The following ATF7IP2 variants were observed in gnomAD, a reference collection of about 807,000 sequenced individuals.
ATF7IP2 encodes activating transcription factor 7-interacting protein 2.
In ATF7IP2, 42 loss-of-function variants were observed where a neutral mutation model predicts 64.2. The ratio of observed to expected loss-of-function variants is 0.65; its 90% CI spans 0.51 to 0.85. ATF7IP2 has a LOEUF of 0.85. Ranked by LOEUF, ATF7IP2 falls within the 40% of genes least tolerant of loss-of-function variation. The probability of loss-of-function intolerance (pLI) is 0.00; values close to 1 mark genes in which losing one functional copy is unlikely to be tolerated. For missense variants in ATF7IP2, 933 were observed against 784.2 expected, an observed-to-expected ratio of 1.19 and a Z score of -2.27; for synonymous variants, 308 against 272.8, an observed-to-expected ratio of 1.13 and a Z score of -1.27.
Position 10,430,315 on chromosome 16 carries a change from A to C in ATF7IP2, c.-10-296A>C, listed in dbSNP as rs780921832. ...ACTTACCTGGATAAAAAAATAGTGA[A>C]TGGTTATAGCACTGAGGTGATATAA... On this transcript the variant is annotated intron_variant, in intron 4 of 13. Transcript: ENST00000562102. Among the ~76,000 whole-genome samples, 52 of 152,330 alleles carry C rather than the reference A, an allele frequency of 3.4e-4. 1 individual carries two copies. The highest frequency in any genetic ancestry group is 1.4e-3 in the Admixed American group (21 of 15,296).
intron 2 of ATF7IP2, among the ~76,000 whole-genome samples, chr16:10,415,013 G>A (rs1388232389): frequency 2.0e-5 from 3 of 152,224 alleles, no homozygotes; most frequent in South Asian, 4.1e-4. Flanking sequence ...TCATGTTTGT[G>A]GATTAGAAAA....
At position 10,480,944 on chromosome 16, in the gene ATF7IP2, T is replaced by C. The variant is rs1214167227; in HGVS notation, c.1615T>C (p.Leu539=). The C allele has an allele frequency of 3.7e-6, 6 of 1,610,590 alleles. No homozygotes were observed. Among genetic ancestry groups the C allele is most frequent in the East Asian group, 4.5e-5 (2 of 44,864 alleles). ...TTCAAACTCAAAGGAAACAACCCCA[T>C]TGGCACAAAATGCAGTCCAGGTACT... The part of the protein sequence containing the change: ...AASNSKETTP[L]AQNAVQVPES... The change falls in exon 13 of 14, where the codon TTG becomes CTG. Residue 539 remains leucine, a synonymous_variant. Coordinates refer to ENST00000562102, the MANE Select transcript of ATF7IP2 (RefSeq NM_001393719.1).
intron 8 of ATF7IP2, among the ~76,000 whole-genome samples, chr16:10,452,822 C>A (rs2141991169): frequency 6.6e-6 from 1 of 152,270 alleles, no homozygotes; most frequent in South Asian, 2.1e-4. Flanking sequence ...GCCACAGTGG[C>A]CTTGCCGAGC....
chr16:10,444,312 T>C (rs1344440367), intron 8 of ATF7IP2, among the ~76,000 whole-genome samples: 1 of 152,146 alleles, frequency 6.6e-6, no homozygotes, highest in East Asian at 1.9e-4. Context: ...GTCATGCCTT[T>C]TTCACCTGAG....
chr16:10,436,630 G>A (rs535485945), intron 6 of ATF7IP2, among the ~76,000 whole-genome samples: 101 of 152,234 alleles, frequency 6.6e-4, no homozygotes, highest in African/African-American at 2.3e-3. Flanking sequence ...ATCAATATAA[G>A]AGTTTAACGT....
Position 10,438,128 on chromosome 16 carries a change from T to A in ATF7IP2, c.988T>A (p.Tyr330Asn). Residue 330 changes from tyrosine to asparagine, a missense_variant, in exon 7 of 14, where the codon TAT (tyrosine) becomes AAT (asparagine). Tyr to Asn is a moderately radical substitution (Grantham distance 143, BLOSUM62 -2). Coordinates refer to ENST00000562102, the MANE Select transcript of ATF7IP2 (RefSeq NM_001393719.1). ...QVRHLIQQEIYSINYELFDKK... is the reference protein window; with the variant it reads ...QVRHLIQQEINSINYELFDKK... Reference sequence around the variant, plus strand: ...CAGACATTTGATTCAGCAGGAGATCTATAGCATAAATTATGAACTATTTGA... The same window carrying A: ...CAGACATTTGATTCAGCAGGAGATCAATAGCATAAATTATGAACTATTTGA... 1 of 1,589,430 alleles carries A rather than the reference T, an allele frequency of 6.3e-7. No homozygotes were observed. The highest frequency in any genetic ancestry group is 1.2e-5 in the South Asian group (1 of 86,920).
rs2047348280 is a variant in ATF7IP2, at chr16:10,392,573, A to G, written c.-242+6451A>G. On this transcript the variant is annotated intron_variant, in intron 1 of 13. Transcript: ENST00000562102. ...GAAAAATAACACCATTCACACAGAA[A>G]TTGTTCAGAGACTAGAAAGACTTTG... is the stretch of plus-strand genomic sequence containing the variant. 1.3e-5 allele frequency among the ~76,000 whole-genome samples: 2 copies of G among 152,120 alleles called. 1 individual carries two copies. Among genetic ancestry groups the G allele is most frequent in the South Asian group, 4.1e-4 (2 of 4,824 alleles).
chr16:10,430,771 C>T lies in ATF7IP2; in HGVS notation c.151C>T (p.Gln51Ter). ...TGGGAGTAATGTTCCAAGCGGTAAT[C>T]AGAGTTTCAGTCCTAGTGTCATAAC... ...AIGSNVPSGNQSFSPSVITRT... is the reference protein window; with the variant it reads ...AIGSNVPSGN Residue 51 changes from glutamine (Q) to a stop codon, truncating the protein, a stop_gained, in exon 5 of 14, where the codon CAG (glutamine) becomes TAG (stop). Transcript: ENST00000562102. LOFTEE classifies it high-confidence loss of function. The T allele has an allele frequency of 6.2e-7, 1 of 1,607,736 alleles. No homozygotes were observed. Among genetic ancestry groups the T allele is most frequent in the Non-Finnish European group, 8.5e-7 (1 of 1,178,294 alleles).
Position 10,481,890 on chromosome 16 carries a change from C to A in ATF7IP2, c.1690C>A (p.Pro564Thr). Reference protein sequence around the residue: ...PPLPEPPAPLPELVDKTRDTL... With the variant: ...PPLPEPPAPLTELVDKTRDTL... ...TCTCCCAGAACCACCAGCACCACTA[C>A]CTGAATTAGTAGACAAAACCCGAGA... The change falls in exon 14 of 14, where the codon CCT becomes ACT. Residue 564 changes from proline to threonine, a missense_variant. Coordinates refer to ENST00000562102, the MANE Select transcript of ATF7IP2 (RefSeq NM_001393719.1). 2 of 1,612,546 alleles carry A rather than the reference C, an allele frequency of 1.2e-6. No individual in the cohort carries two copies. The highest frequency in any genetic ancestry group is 3.3e-4 in the Middle Eastern group (2 of 6,052).
intron 1 of ATF7IP2, among the ~76,000 whole-genome samples, chr16:10,406,649 A>T (rs975139237): frequency 2.6e-5 from 4 of 152,188 alleles, no homozygotes; most frequent in African/African-American, 9.7e-5. Context: ...AGGCCAATAA[A>T]TTGGAAAATC....
chr16:10,450,858 T>C (rs1196238080), intron 8 of ATF7IP2, among the ~76,000 whole-genome samples: 1 of 152,248 alleles, frequency 6.6e-6, no homozygotes, highest in Non-Finnish European at 1.5e-5. Context: ...CCTGTCATTA[T>C]GATGCTAGCT....
Position 10,482,429 on chromosome 16 carries a change from T to G in ATF7IP2, c.*180T>G. The G allele has an allele frequency of 1.9e-6, 1 of 529,780 alleles. No homozygotes were observed. Among genetic ancestry groups the G allele is most frequent in the East Asian group, 3.2e-5 (1 of 30,778 alleles). The allele number at this position is 529,780 out of a possible 1,614,324, so 32.8% of individuals were successfully genotyped here. On this transcript the variant is annotated 3_prime_UTR_variant, in exon 14 of 14. Transcript: ENST00000562102. Reference sequence around the variant, plus strand: ...TAATGAATTTCTGGTTTGTATTAAATATGTCCTTCCAATGGATAAGTTCTA... The same window carrying G: ...TAATGAATTTCTGGTTTGTATTAAAGATGTCCTTCCAATGGATAAGTTCTA...
intron 1 of ATF7IP2, among the ~76,000 whole-genome samples, chr16:10,388,533 C>G (rs1351654506): frequency 6.6e-6 from 1 of 152,128 alleles, no homozygotes; most frequent in African/African-American, 2.4e-5. Flanking sequence ...ATAGCCATGG[C>G]AAAAGTTGCC....
intron 12 of ATF7IP2, among the ~76,000 whole-genome samples, chr16:10,477,872 G>C (rs946060880): frequency 6.6e-6 from 1 of 150,784 alleles, no homozygotes; most frequent in Non-Finnish European, 1.5e-5. Context: ...GACAAACAGA[G>C]AGCCAAATCA....
intron 1 of ATF7IP2, among the ~76,000 whole-genome samples, chr16:10,389,054 G>A (rs1183298251): frequency 2.0e-5 from 3 of 151,990 alleles, no homozygotes; most frequent in Non-Finnish European, 4.4e-5. Context: ...TAAAGAAGTA[G>A]TAGTTCTCTC....
chr16:10,429,382 G>A (rs1048458408), intron 4 of ATF7IP2, among the ~76,000 whole-genome samples: 17 of 152,168 alleles, frequency 1.1e-4, no homozygotes, highest in African/African-American at 3.6e-4. Flanking sequence ...ACAGAGTCTC[G>A]CTCTGTCATC....
At chr16:10,444,384 A>G (rs1242909321) in intron 8 of ATF7IP2, among the ~76,000 whole-genome samples, 1 of 152,150 alleles carries the variant, frequency 6.6e-6, no homozygotes, top group East Asian at 1.9e-4. Flanking sequence ...GGGGCACTAG[A>G]TAAGGTCTCC....
At chr16:10,458,296 G>C (rs1225758254) in intron 9 of ATF7IP2, among the ~76,000 whole-genome samples, 1 of 152,128 alleles carries the variant, frequency 6.6e-6, no homozygotes, top group Non-Finnish European at 1.5e-5. Flanking sequence ...AGTTGATGAA[G>C]GCAAGAGCTA....
chr16:10,452,001 G>A (rs765659113), intron 8 of ATF7IP2, among the ~76,000 whole-genome samples: 6 of 152,040 alleles, frequency 3.9e-5, no homozygotes, highest in Non-Finnish European at 7.4e-5. Context: ...GCAGTGAGTC[G>A]AGATCGCTCC....
Sources: gnomAD v4.1 joint callset for allele counts (sites outside exome capture counted in the v4.1 genomes callset) on GRCh38, gnomAD v4.1.1 for gene constraint, MANE v1.5 for transcripts, NCBI Gene and HGNC (gene_info 2026-07-23, HGNC 2026-07-21) for gene names.